The following TCF20 variants were observed in gnomAD, a reference collection of about 807,000 sequenced individuals.
TCF20 encodes SPRE-binding protein.
In TCF20, 3 loss-of-function variants were observed where a neutral mutation model predicts 148.6. The ratio of observed to expected loss-of-function variants is 0.02; its 90% CI spans 0.01 to 0.05. The LOEUF (loss-of-function observed/expected upper bound fraction) is 0.05, where lower values mean the gene tolerates loss of function less well. Ranked by LOEUF, TCF20 falls within the 10% of genes least tolerant of loss-of-function variation. The pLI is 1.00. For missense variants in TCF20, 2,350 were observed against 2,429.3 expected, an observed-to-expected ratio of 0.97 and a Z score of 0.69; for synonymous variants, 1,049 against 909.5, an observed-to-expected ratio of 1.15 and a Z score of -2.76.
chr22:42,212,852 G>T lies in TCF20; in HGVS notation c.2454C>A (p.Gly818=). The T allele has an allele frequency of 6.2e-7, 1 of 1,614,150 alleles. No individual in the cohort carries two copies. Among genetic ancestry groups the T allele is most frequent in the African/African-American group, 1.3e-5 (1 of 75,036 alleles). ...TGCTGCTTGATTTCCTTTCCCAGGGGCCCCAGTGGGGATTTTCTAATAGAG... is the reference window on the plus strand; with the variant it reads ...TGCTGCTTGATTTCCTTTCCCAGGGTCCCCAGTGGGGATTTTCTAATAGAG... The part of the protein sequence containing the change: ...IGSLLENPHW[G]PWERKSSSTA... Residue 818 remains glycine (G), a synonymous_variant, in exon 2 of 6, where the codon GGC becomes GGA. Coordinates refer to ENST00000677622, the MANE Select transcript of TCF20 (RefSeq NM_001378418.1).
At chr22:42,201,851 A>T (rs1314571118) in intron 2 of TCF20, among the ~76,000 whole-genome samples, 2 of 152,186 alleles carry the variant, frequency 1.3e-5, no homozygotes, top group Non-Finnish European at 2.9e-5. Context: ...ATCGCTATCA[A>T]AACTTTGTCA....
At chr22:42,192,656 C>T (rs1937394117) in intron 2 of TCF20, among the ~76,000 whole-genome samples, 1 of 151,218 alleles carries the variant, frequency 6.6e-6, no homozygotes, top group Admixed American at 6.6e-5. Context: ...GATCACTGGT[C>T]CTCAAATCCT....
intron 1 of TCF20, among the ~76,000 whole-genome samples, chr22:42,244,063 G>A (rs1192204499): frequency 6.6e-6 from 1 of 152,094 alleles, no homozygotes; most frequent in Non-Finnish European, 1.5e-5. Flanking sequence ...AATTAGACAG[G>A]TATGGTGGCA....
At chr22:42,296,787 G>A (rs1927245239) in intron 1 of TCF20, among the ~76,000 whole-genome samples, 1 of 152,226 alleles carries the variant, frequency 6.6e-6, no homozygotes, top group Non-Finnish European at 1.5e-5. Context: ...ATGTAATCAC[G>A]CTGCAGGGGG....
chr22:42,289,728 C>T (rs936337085), intron 1 of TCF20, among the ~76,000 whole-genome samples: 5 of 152,160 alleles, frequency 3.3e-5, no homozygotes, highest in Non-Finnish European at 5.9e-5. Context: ...GCTGGCAGTC[C>T]GCCAATGGCT....
intron 1 of TCF20, among the ~76,000 whole-genome samples, chr22:42,244,880 G>C (rs1281911587): frequency 6.6e-6 from 1 of 151,980 alleles, no homozygotes; most frequent in East Asian, 1.9e-4. Flanking sequence ...AGGAGTTCAA[G>C]ACCAGCCTGG....
chr22:42,333,253 T>C (rs1370730901), intron 1 of TCF20, among the ~76,000 whole-genome samples: 2 of 151,734 alleles, frequency 1.3e-5, no homozygotes, highest in African/African-American at 4.9e-5. Context: ...ACCAGGGCTG[T>C]GTGTAGACAG....
intron 1 of TCF20, among the ~76,000 whole-genome samples, chr22:42,324,853 G>A (rs1418380511): frequency 4.6e-5 from 7 of 152,232 alleles, no homozygotes; most frequent in African/African-American, 1.7e-4. Flanking sequence ...CCATCTTGCA[G>A]GTGAGGACCC....
intron 1 of TCF20, among the ~76,000 whole-genome samples, chr22:42,337,067 C>T (rs1372392950): frequency 6.6e-6 from 1 of 152,210 alleles, no homozygotes; most frequent in Non-Finnish European, 1.5e-5. Context: ...CACATCTGTT[C>T]ACTGAATGAG....
intron 1 of TCF20, among the ~76,000 whole-genome samples, chr22:42,302,497 C>T (rs1167437468): frequency 6.6e-6 from 1 of 152,180 alleles, no homozygotes; most frequent in Non-Finnish European, 1.5e-5. Flanking sequence ...ACTAGCCATG[C>T]CCCTTTCACA....
chr22:42,173,371 ACAT>A (rs1355928743), intron 3 of TCF20, among the ~76,000 whole-genome samples: 1 of 152,150 alleles, frequency 6.6e-6, no homozygotes, highest in Non-Finnish European at 1.5e-5. Flanking sequence ...TGCAGGGTCA[ACAT>A]CAGGTGGGGG....
chr22:42,225,447 T>C (rs1390634614), intron 1 of TCF20, among the ~76,000 whole-genome samples: 1 of 150,634 alleles, frequency 6.6e-6, no homozygotes, highest in Non-Finnish European at 1.5e-5. Context: ...ACCCCGTCTC[T>C]ACTAAAAATA....
rs755689410 is a variant in TCF20 at position 42,215,267 on chromosome 22, G to A, written c.39C>T (p.Asn13=). The part of the protein sequence containing the change: ...SFREQSSYHG[N]QQSYPQEVHG... ...GTACCTCCTGTGGGTAGCTTTGCTG[G>A]TTTCCGTGGTAACTGCTTTGCTCCC... Residue 13 remains asparagine, a synonymous_variant, in exon 2 of 6, where the codon AAC becomes AAT. Coordinates refer to ENST00000677622, the MANE Select transcript of TCF20 (RefSeq NM_001378418.1). The A allele has an allele frequency of 6.2e-7, 1 of 1,614,066 alleles. No homozygotes were observed. The highest frequency in any genetic ancestry group is 8.5e-7 in the Non-Finnish European group (1 of 1,179,956).
At chr22:42,315,372 G>A (rs1927610479) in intron 1 of TCF20, among the ~76,000 whole-genome samples, 2 of 152,234 alleles carry the variant, frequency 1.3e-5, no homozygotes, top group African/African-American at 4.8e-5. Context: ...CAGGCTCAGA[G>A]AGGAAGGACT....
chr22:42,227,603 TCTTTC>T (rs1158015447), intron 1 of TCF20, among the ~76,000 whole-genome samples: 56 of 152,356 alleles, frequency 3.7e-4, no homozygotes, highest in African/African-American at 1.3e-3. Flanking sequence ...CCCAACAATG[TCTTTC>T]CTTTCTAGTC....
chr22:42,270,781 C>A (rs1468613700), upstream of TCF20, among the ~76,000 whole-genome samples: 1 of 145,214 alleles, frequency 6.9e-6, no homozygotes, highest in African/African-American at 2.5e-5. Context: ...GCCGGGCGCG[C>A]GCGTGCCCAC....
At chr22:42,309,014 G>A (rs928562342) in intron 1 of TCF20, among the ~76,000 whole-genome samples, 10 of 152,098 alleles carry the variant, frequency 6.6e-5, no homozygotes, top group Non-Finnish European at 1.0e-4. Flanking sequence ...GGAACACGCC[G>A]GTGCCTGCCG....
intron 2 of TCF20, among the ~76,000 whole-genome samples, chr22:42,184,652 G>GCTCC (rs1936960179): frequency 6.6e-6 from 1 of 152,044 alleles, no homozygotes; most frequent in Non-Finnish European, 1.5e-5. Context: ...ATACAATACT[G>GCTCC]CTCCCCAGGA....
At chr22:42,223,836 A>G (rs1340976309) in intron 1 of TCF20, among the ~76,000 whole-genome samples, 2 of 152,176 alleles carry the variant, frequency 1.3e-5, no homozygotes, top group Non-Finnish European at 2.9e-5. Context: ...CAGTGACTTA[A>G]TATTTCATAC....
Sources: allele counts gnomAD v4.1 joint callset (sites outside exome capture counted in the v4.1 genomes callset), GRCh38; gene constraint gnomAD v4.1.1; transcripts MANE v1.5; gene names NCBI Gene and HGNC (gene_info 2026-07-23, HGNC 2026-07-21).